Variants in WDR53 observed in about 807,000 individuals in gnomAD.
WDR53 encodes the protein WD repeat domain 53, also known as WD repeat-containing protein 53.
In WDR53, 19 loss-of-function variants were observed where a neutral mutation model predicts 21.3. The observed-to-expected ratio is 0.89, with a 90% CI of 0.62 to 1.31. WDR53 has a LOEUF of 1.31. WDR53 is among the 50% of genes most tolerant of loss of function. The pLI is 0.00. For missense variants in WDR53, 374 were observed against 423.2 expected (o/e 0.88, Z 1.02); for synonymous variants, 157 against 163.4 (o/e 0.96, Z 0.30).
At chr3:196,564,399 T>C (rs1477807554) in intron 2 of WDR53, among the ~76,000 whole-genome samples, 3 of 150,642 alleles carry the variant, frequency 2.0e-5, no homozygotes, top group South Asian at 2.1e-4. Flanking sequence ...TTTTTTCTTT[T>C]TTTTTTTTTT....
rs1734764519 is a variant in WDR53 at position 196,560,850 on chromosome 3, TA to T, written c.480+145del. The T allele has an allele frequency of 1.4e-5, 14 of 1,005,666 alleles. No homozygotes were observed. The South Asian group carries it at 2.4e-4, about 17-fold the overall frequency. 62.3% of individuals were successfully genotyped at this position (1,005,666 alleles called of 1,614,324 possible). A position where few individuals can be genotyped will look rare whatever the true frequency, so the allele number is the denominator to read the frequency against. On this transcript the variant is annotated intron_variant, in intron 3 of 3. Transcript: ENST00000332629. ...CTATTAGGTTTTATCAGACTAGCATTAAATGTAGAAATAAGGCTTATTGTTC... is the reference window on the plus strand; with the variant it reads ...CTATTAGGTTTTATCAGACTAGCATTAATGTAGAAATAAGGCTTATTGTTC...
intron 3 of WDR53, among the ~76,000 whole-genome samples, chr3:196,556,346 A>G (rs1012732812): frequency 3.3e-5 from 5 of 152,098 alleles, no homozygotes; most frequent in African/African-American, 1.2e-4. Flanking sequence ...CAATGCCCCA[A>G]AACAGTTTCT....
chr3:196,556,194 T>C (rs1471652227), intron 3 of WDR53, among the ~76,000 whole-genome samples: 1 of 152,026 alleles, frequency 6.6e-6, no homozygotes, highest in East Asian at 1.9e-4. Context: ...TACAGGCGCA[T>C]GCTACCACAC....
chr3:196,560,380 T>G (rs1170145995), intron 3 of WDR53, among the ~76,000 whole-genome samples: 2 of 152,108 alleles, frequency 1.3e-5, no homozygotes, highest in Non-Finnish European at 2.9e-5. Context: ...TAGCTGGGAT[T>G]GCAGGAGCCC....
At position 196,554,547 on chromosome 3, in the gene WDR53, G is replaced by C; in HGVS notation, c.741C>G (p.Val247=). The change falls in exon 4 of 4, where the codon GTC becomes GTG. Residue 247 remains valine (V), a synonymous_variant. Coordinates refer to ENST00000332629, the MANE Select transcript of WDR53 (RefSeq NM_182627.3). ...FKGHTSGVSQ[V]CFLPESYLLL... is the part of the protein sequence containing the mutation. ...GCAAATAGGATTCTGGGAGAAAGCA[G>C]ACCTGGGATACCCCTGAAGTGTGGC... The C allele has an allele frequency of 1.9e-6, 3 of 1,614,116 alleles. No homozygotes were observed. Among genetic ancestry groups the C allele is most frequent in the Non-Finnish European group, 2.5e-6 (3 of 1,180,012 alleles).
At chr3:196,567,751 T>TTGTGTGGGTGTG (rs1735557482) in intron 1 of WDR53, among the ~76,000 whole-genome samples, 1 of 143,570 alleles carries the variant, frequency 7.0e-6, no homozygotes, top group Non-Finnish European at 1.5e-5. Flanking sequence ...GCTGAAATTC[T>TTGTGTGGGTGTG]TGTGTGTGTG....
Position 196,561,484 on chromosome 3 carries a change from C to T in WDR53, c.-9G>A, listed in dbSNP as rs758573986. On this transcript the variant is annotated 5_prime_UTR_variant, in exon 3 of 4. Coordinates refer to ENST00000332629, the MANE Select transcript of WDR53 (RefSeq NM_182627.3). ...GTCCACTTGACTGCCATAATGGTCCCGGAGACTCTGTGAAGTGGGGGAAAC... is the reference window on the plus strand; with the variant it reads ...GTCCACTTGACTGCCATAATGGTCCTGGAGACTCTGTGAAGTGGGGGAAAC... 9 of 1,601,518 alleles carry T rather than the reference C, an allele frequency of 5.6e-6. No individual in the cohort carries two copies. The highest frequency in any genetic ancestry group is 3.4e-5 in the Admixed American group (2 of 58,196).
At chr3:196,559,291 G>C (rs1734607901) in intron 3 of WDR53, among the ~76,000 whole-genome samples, 1 of 152,190 alleles carries the variant, frequency 6.6e-6, no homozygotes, top group South Asian at 2.1e-4. Flanking sequence ...TAAAGGGCTT[G>C]GTCAAAACCT....
chr3:196,555,630 A>G (rs981222951), intron 3 of WDR53, among the ~76,000 whole-genome samples: 3 of 152,196 alleles, frequency 2.0e-5, no homozygotes, highest in African/African-American at 7.2e-5. Flanking sequence ...AATACTCTTA[A>G]TACTTTCAAA....
At chr3:196,558,594 T>C (rs1734547621) in intron 3 of WDR53, among the ~76,000 whole-genome samples, 1 of 152,234 alleles carries the variant, frequency 6.6e-6, no homozygotes, top group South Asian at 2.1e-4. Flanking sequence ...AAAAGATAGG[T>C]ATGCTGAACA....
chr3:196,563,983 T>G (rs1178581699), intron 2 of WDR53, among the ~76,000 whole-genome samples: 2 of 152,138 alleles, frequency 1.3e-5, no homozygotes, highest in Admixed American at 6.6e-5. Flanking sequence ...TACAGAAATG[T>G]TCATAAAAAT....
rs780192748 is a variant in WDR53 at position 196,554,592 on chromosome 3, T to C, written c.696A>G (p.Glu232=). ...TGTGGCCCTTAAATCCCAGTTCCTG[T>C]TCACACTTAACTCCCATCACCCGAA... is the stretch of plus-strand genomic sequence containing the variant. ...RIFRVMGVKC[E]QELGFKGHTS... is the part of the protein sequence containing the mutation. The change falls in exon 4 of 4, where the codon GAA becomes GAG. Residue 232 remains glutamate (E), a synonymous_variant. Transcript: ENST00000332629. The C allele has an allele frequency of 6.2e-7, 1 of 1,614,092 alleles. No individual in the cohort carries two copies. The highest frequency in any genetic ancestry group is 1.7e-5 in the Admixed American group (1 of 60,006).
rs995506987 is a variant in WDR53, at chr3:196,554,458, T to A, written c.830A>T (p.Lys277Ile). Residue 277 changes from lysine (K) to isoleucine (I), a missense_variant, in exon 4 of 4, where the codon AAA becomes ATA. By Grantham distance (102) the Lys-to-Ile change is moderately radical. Coordinates refer to ENST00000332629, the MANE Select transcript of WDR53 (RefSeq NM_182627.3). Reference protein sequence around the residue: ...LWDANSEVEKKQKSPTKRTHR... With the variant: ...LWDANSEVEKIQKSPTKRTHR... ...GGTACGTTTTGTGGGACTCTTCTGT[T>A]TTTTCTCAACTTCACTGTTTGCATC... 2 of 1,614,178 alleles carry A rather than the reference T, an allele frequency of 1.2e-6. No individual in the cohort carries two copies. Among genetic ancestry groups the A allele is most frequent in the Non-Finnish European group, 1.7e-6 (2 of 1,180,028 alleles).
chr3:196,562,615 G>A (rs1476011749), intron 2 of WDR53, among the ~76,000 whole-genome samples: 4 of 152,168 alleles, frequency 2.6e-5, no homozygotes, highest in African/African-American at 9.7e-5. Flanking sequence ...TGGAATTGCA[G>A]AATCTGTATT....
At chr3:196,562,714 C>G (rs1397226393) in intron 2 of WDR53, among the ~76,000 whole-genome samples, 1 of 152,190 alleles carries the variant, frequency 6.6e-6, no homozygotes, top group Non-Finnish European at 1.5e-5. Context: ...CTAATTTTAT[C>G]TCAAAACAAC....
At chr3:196,562,350 C>A (rs1734958075) in intron 2 of WDR53, among the ~76,000 whole-genome samples, 1 of 152,222 alleles carries the variant, frequency 6.6e-6, no homozygotes, top group South Asian at 2.1e-4. Context: ...CAACCTCCGC[C>A]TCCCGGGTTC....
intron 2 of WDR53, among the ~76,000 whole-genome samples, 182 bp downstream of exon 2, chr3:196,566,695 T>A (rs760207678): frequency 6.6e-6 from 1 of 152,146 alleles, no homozygotes; most frequent in Non-Finnish European, 1.5e-5. Flanking sequence ...ATTCCAGGCG[T>A]GAGCCACGGC....
Position 196,554,188 on chromosome 3 carries a change from T to G in WDR53, c.*23A>C. The G allele has an allele frequency of 6.7e-6, 10 of 1,494,716 alleles. No individual in the cohort carries two copies. The highest frequency in any genetic ancestry group is 9.1e-6 in the Non-Finnish European group (10 of 1,104,442). 92.6% of individuals were successfully genotyped at this position (1,494,716 alleles called of 1,614,324 possible). On this transcript the variant is annotated 3_prime_UTR_variant, in exon 4 of 4. Coordinates refer to ENST00000332629, the MANE Select transcript of WDR53 (RefSeq NM_182627.3). The stretch of plus-strand genomic sequence containing the variant: ...AATCTGAAAAACAGTTTTGCCACAA[T>G]TCTTCAAATGTTTTTATTGGATTTA...
At chr3:196,560,630 A>T (rs891525529) in intron 3 of WDR53, among the ~76,000 whole-genome samples, 1 of 152,078 alleles carries the variant, frequency 6.6e-6, no homozygotes, top group African/African-American at 2.4e-5. Flanking sequence ...AGAACTTTAA[A>T]GTAAAAACAG....
Sources: allele counts gnomAD v4.1 joint callset (sites outside exome capture counted in the v4.1 genomes callset), GRCh38; gene constraint gnomAD v4.1.1; transcripts MANE v1.5; gene names NCBI Gene and HGNC (gene_info 2026-07-23, HGNC 2026-07-21).